The following PATJ variants were observed in gnomAD, a reference collection of about 807,000 sequenced individuals.
PATJ encodes inaD-like protein.
A neutral mutation model predicts 224.9 loss-of-function variants in PATJ; 190 were observed. The ratio of observed to expected loss-of-function variants is 0.84; its 90% CI spans 0.75 to 0.95. The LOEUF (loss-of-function observed/expected upper bound fraction) is 0.95. Ranked by LOEUF, PATJ falls within the 40% of genes least tolerant of loss-of-function variation. The probability of loss-of-function intolerance (pLI) is 0.00; values close to 1 mark genes in which losing one functional copy is unlikely to be tolerated. For synonymous variants in PATJ, 769 were observed against 820.3 expected, an observed-to-expected ratio of 0.94 and a Z score of 1.07; for missense variants, 2,121 against 2,270.3, an observed-to-expected ratio of 0.93 and a Z score of 1.34.
chr1:61,860,114 A>G (rs753987763), intron 18 of PATJ, among the ~76,000 whole-genome samples: 3 of 152,212 alleles, frequency 2.0e-5, no homozygotes, highest in Non-Finnish European at 4.4e-5. Context: ...TTCATGTTAT[A>G]TATTTTCATC....
chr1:62,096,311 T>G (rs1471757990), intron 33 of PATJ, among the ~76,000 whole-genome samples: 1 of 152,090 alleles, frequency 6.6e-6, no homozygotes, highest in Non-Finnish European at 1.5e-5. Context: ...AGCATTGATT[T>G]GGGGGTTACA....
chr1:62,107,542 C>G (rs1663251337), intron 33 of PATJ, among the ~76,000 whole-genome samples: 1 of 152,018 alleles, frequency 6.6e-6, no homozygotes, highest in Non-Finnish European at 1.5e-5. Context: ...AGAATAGTCT[C>G]TCATCAAAAT....
chr1:61,871,269 T>C, intron 20 of PATJ, among the ~76,000 whole-genome samples: 1 of 147,864 alleles, frequency 6.8e-6, no homozygotes, highest in East Asian at 2.0e-4. Context: ...TGAAGTGCAA[T>C]GGTGCAATCT....
chr1:62,038,820 G>A (rs1650926955), intron 30 of PATJ: 1 of 676,668 alleles, frequency 1.5e-6, no homozygotes, highest in Admixed American at 1.9e-5. Context: ...AGGGTTCTGG[G>A]CCGGGGTGGA....
At chr1:62,026,955 G>A (rs553780877) in intron 29 of PATJ, among the ~76,000 whole-genome samples, 21 of 152,266 alleles carry the variant, frequency 1.4e-4, no homozygotes, top group African/African-American at 5.1e-4. Flanking sequence ...AAAGGTGGGA[G>A]CAACCGAGTA....
chr1:61,816,283 A>G (rs1340790524), intron 14 of PATJ: 3 of 152,148 alleles, frequency 2.0e-5, no homozygotes, highest in South Asian at 2.1e-4. Context: ...CTATATTTCT[A>G]ATAGTAACCT....
intron 37 of PATJ, among the ~76,000 whole-genome samples, chr1:62,119,005 A>T (rs1423890341): frequency 2.2e-5 from 2 of 90,876 alleles, no homozygotes; most frequent in South Asian, 8.0e-4. Flanking sequence ...TTAAATATCA[A>T]AAAAAAAAAA....
At chr1:62,131,592 G>A (rs930614622) in intron 41 of PATJ, among the ~76,000 whole-genome samples, 1 of 151,898 alleles carries the variant, frequency 6.6e-6, no homozygotes, top group Non-Finnish European at 1.5e-5. Context: ...AGGTTGCAAT[G>A]AGCCAAGATC....
At chr1:61,896,649 C>T (rs985214787) in intron 22 of PATJ, among the ~76,000 whole-genome samples, 1 of 152,100 alleles carries the variant, frequency 6.6e-6, no homozygotes, top group East Asian at 1.9e-4. Context: ...GGTTTGGCTC[C>T]ATGTACCCAC....
chr1:62,080,381 G>T (rs1362907622), intron 32 of PATJ, among the ~76,000 whole-genome samples: 1 of 151,906 alleles, frequency 6.6e-6, no homozygotes, highest in Non-Finnish European at 1.5e-5. Flanking sequence ...ACCCAGGCTG[G>T]AGGGCAGGGG....
chr1:61,823,201 A>T, intron 15 of PATJ, 122 bp downstream of exon 15: 1 of 979,260 alleles, frequency 1.0e-6, no homozygotes, highest in Non-Finnish European at 1.5e-6. Context: ...AGCCTCTTAG[A>T]TTGAAAAAAC....
intron 21 of PATJ, among the ~76,000 whole-genome samples, chr1:61,877,150 G>C (rs995532759): frequency 6.6e-6 from 1 of 152,096 alleles, no homozygotes; most frequent in Non-Finnish European, 1.5e-5. Flanking sequence ...TCAGGAGGGT[G>C]AGGACTGTAT....
chr1:61,777,724 T>TTTTTTTTTC (rs765662896), intron 7 of PATJ, among the ~76,000 whole-genome samples: 174 of 105,994 alleles, frequency 1.6e-3, no homozygotes, highest in Non-Finnish European at 2.6e-3. Context: ...TTTTTTTTTT[T>TTTTTTTTTC]TTTAGCATAG....
chr1:61,996,172 G>T (rs1013062600), intron 28 of PATJ, among the ~76,000 whole-genome samples: 1 of 152,168 alleles, frequency 6.6e-6, no homozygotes, highest in African/African-American at 2.4e-5. Flanking sequence ...AAGCATGAAT[G>T]TGTCCCATAT....
At chr1:61,926,387 C>T (rs1675212155) in intron 26 of PATJ, among the ~76,000 whole-genome samples, 1 of 152,028 alleles carries the variant, frequency 6.6e-6, no homozygotes, top group Admixed American at 6.6e-5. Flanking sequence ...ACAGTTTTGC[C>T]TTAGATGTAA....
At chr1:62,135,287 T>G (rs1570750765) in intron 41 of PATJ, among the ~76,000 whole-genome samples, 1 of 151,000 alleles carries the variant, frequency 6.6e-6, no homozygotes, top group African/African-American at 2.4e-5. Context: ...GAGGCCGAGG[T>G]GGGGGGGATC....
At chr1:61,742,812 C>A (rs1291894353) in intron 1 of PATJ, among the ~76,000 whole-genome samples, 2 of 150,324 alleles carry the variant, frequency 1.3e-5, no homozygotes, top group Admixed American at 1.3e-4. Flanking sequence ...GGGGCGCCGT[C>A]CTCCTGCGTC....
intron 32 of PATJ, among the ~76,000 whole-genome samples, chr1:62,083,504 G>A (rs11207900): frequency 1.8e-3 from 266 of 151,924 alleles, no homozygotes; most frequent in African/African-American, 6.2e-3. Flanking sequence ...ACAGGTGTTA[G>A]TAAACATTTT....
At chr1:61,790,199 G>A (rs1398827925) in intron 8 of PATJ, among the ~76,000 whole-genome samples, 2 of 106,070 alleles carry the variant, frequency 1.9e-5, no homozygotes, top group Non-Finnish European at 3.6e-5. Context: ...GCATGATCCT[G>A]TCTCTGAGAA....
Sources: allele counts gnomAD v4.1 joint callset (sites outside exome capture counted in the v4.1 genomes callset), GRCh38; gene constraint gnomAD v4.1.1; transcripts MANE v1.5; gene names NCBI Gene and HGNC (gene_info 2026-07-23, HGNC 2026-07-21).